The following ANTXR1 variants were observed in gnomAD, a reference collection of about 807,000 sequenced individuals.
ANTXR1 encodes the protein anthrax toxin receptor 1.
In ANTXR1, 19 loss-of-function variants were observed where a neutral mutation model predicts 78.1. The observed-to-expected ratio is 0.24, with a 90% CI of 0.17 to 0.36. The LOEUF (loss-of-function observed/expected upper bound fraction) is 0.36, where lower values mean the gene tolerates loss of function less well. Ranked by LOEUF, ANTXR1 falls within the 10% of genes least tolerant of loss-of-function variation. ANTXR1 has a pLI of 1.00. For missense variants in ANTXR1, 518 were observed against 718.6 expected (o/e 0.72, Z 3.19); for synonymous variants, 273 against 260.5 (o/e 1.05, Z -0.46).
intron 8 of ANTXR1, among the ~76,000 whole-genome samples, chr2:69,083,990 A>G (rs1295640701): frequency 6.6e-6 from 1 of 152,234 alleles, no homozygotes; most frequent in Non-Finnish European, 1.5e-5. Context: ...AGCTTATTAA[A>G]AAGTCCAAAT....
At chr2:69,164,000 G>C (rs1450460675) in intron 13 of ANTXR1, among the ~76,000 whole-genome samples, 1 of 152,176 alleles carries the variant, frequency 6.6e-6, no homozygotes, top group Admixed American at 6.5e-5. Context: ...TTAATGCCCT[G>C]TTTAACTACC....
chr2:69,109,816 T>C (rs1171148920), intron 10 of ANTXR1, among the ~76,000 whole-genome samples: 1 of 152,142 alleles, frequency 6.6e-6, no homozygotes, highest in East Asian at 1.9e-4. Context: ...GAGCATACCA[T>C]GAAAGAAAAA....
intron 9 of ANTXR1, among the ~76,000 whole-genome samples, chr2:69,100,210 T>C (rs550311403): frequency 1.1e-4 from 17 of 152,348 alleles, no homozygotes; most frequent in African/African-American, 4.1e-4. Flanking sequence ...TTTCACTTAC[T>C]GGCAGATTCA....
chr2:69,048,296 C>G (rs6546475), intron 3 of ANTXR1, among the ~76,000 whole-genome samples: 42,525 of 151,956 alleles, frequency 0.28, 9,882 homozygotes, highest in East Asian at 0.68. Flanking sequence ...TACTAGTACA[C>G]TGAATGTCAT....
intron 12 of ANTXR1, among the ~76,000 whole-genome samples, chr2:69,147,130 T>C (rs1407650676): frequency 2.0e-5 from 3 of 152,142 alleles, no homozygotes; most frequent in African/African-American, 7.2e-5. Context: ...TCTATGGGGG[T>C]CAGGCTATGC....
At chr2:69,062,647 C>T (rs530345009) in intron 3 of ANTXR1, among the ~76,000 whole-genome samples, 4 of 152,266 alleles carry the variant, frequency 2.6e-5, no homozygotes, top group South Asian at 4.1e-4. Context: ...GAAGTCTCCA[C>T]TGCTTTTTTT....
At chr2:69,058,333 T>C (rs1670128686) in intron 3 of ANTXR1, among the ~76,000 whole-genome samples, 1 of 152,296 alleles carries the variant, frequency 6.6e-6, no homozygotes, top group East Asian at 1.9e-4. Context: ...AGCTCTCTTA[T>C]AAGGAGTGAA....
intron 10 of ANTXR1, among the ~76,000 whole-genome samples, chr2:69,110,973 C>A (rs1432380185): frequency 1.3e-5 from 2 of 152,182 alleles, no homozygotes; most frequent in East Asian, 3.9e-4. Flanking sequence ...ACAGCCATCA[C>A]CTCTGAATGA....
At chr2:69,085,587 T>C (rs950030277) in intron 8 of ANTXR1, among the ~76,000 whole-genome samples, 1 of 152,178 alleles carries the variant, frequency 6.6e-6, no homozygotes, top group African/African-American at 2.4e-5. Flanking sequence ...CATTTATTTA[T>C]CCAATATTTA....
intron 17 of ANTXR1, among the ~76,000 whole-genome samples, chr2:69,243,880 C>A (rs144716319): frequency 1.3e-5 from 2 of 152,268 alleles, no homozygotes; most frequent in East Asian, 3.9e-4. Flanking sequence ...CTGTGGGGAG[C>A]AATTCTGTAG....
intron 13 of ANTXR1, among the ~76,000 whole-genome samples, chr2:69,155,659 T>TA (rs1673499585): frequency 6.6e-6 from 1 of 152,156 alleles, no homozygotes; most frequent in African/African-American, 2.4e-5. Flanking sequence ...CTTGAATGTG[T>TA]AGGGGGGAAA....
intron 1 of ANTXR1, among the ~76,000 whole-genome samples, chr2:69,027,621 A>AGTGTGTGTGT (rs10631795): frequency 0.012 from 1,754 of 146,908 alleles, 43 homozygotes; most frequent in African/African-American, 0.041. Flanking sequence ...AGATGATGCA[A>AGTGTGTGTGT]GTGTGTGTGT....
intron 17 of ANTXR1, among the ~76,000 whole-genome samples, chr2:69,226,042 C>G (rs997526596): frequency 1.3e-5 from 2 of 152,194 alleles, no homozygotes; most frequent in African/African-American, 2.4e-5. Flanking sequence ...TGTGTCCCCA[C>G]ACTGCCTCTC....
chr2:69,169,577 C>T lies in ANTXR1; in HGVS notation c.1048-671C>T, dbSNP rs567073680. On this transcript the variant is annotated intron_variant, in intron 13 of 17. Coordinates refer to ENST00000303714, the MANE Select transcript of ANTXR1 (RefSeq NM_032208.3). ...TTAGACTGTCTCCCAATTACTTGCC[C>T]ATCCAGAGTTTCCACATGTCTCTCT... 2.2e-4 allele frequency among the ~76,000 whole-genome samples: 34 copies of T among 152,360 alleles called. No homozygotes were observed. The East Asian group carries it at 5.4e-3, about 24-fold the overall frequency.
chr2:69,164,687 C>A (rs762382388), intron 13 of ANTXR1, among the ~76,000 whole-genome samples: 20 of 152,202 alleles, frequency 1.3e-4, no homozygotes, highest in Admixed American at 5.2e-4. Context: ...ATCTAGAAAT[C>A]CAGGCCGTGC....
chr2:69,017,898 C>G (rs1187850088), intron 1 of ANTXR1, among the ~76,000 whole-genome samples: 1 of 152,142 alleles, frequency 6.6e-6, no homozygotes, highest in Non-Finnish European at 1.5e-5. Context: ...CCCTCTCTCA[C>G]AGCACCCCCC....
In ANTXR1 at chr2:69,150,326, G is replaced by C. The variant is rs189149365; in HGVS notation, c.952-1843G>C. On this transcript the variant is annotated intron_variant, in intron 12 of 17. Transcript: ENST00000303714. ...AGTGCTGTGAACAGTCTCCCCTGAA[G>C]ACACTTGCACTAAACATCACAGGTG... Among the ~76,000 whole-genome samples the C allele has an allele frequency of 2.4e-3, 364 of 152,288 alleles. 6 individuals are homozygous for C. Among genetic ancestry groups the C allele is most frequent in the Non-Finnish European group, 6.3e-4 (43 of 68,020 alleles).
chr2:69,082,499 A>G (rs1047601219), intron 8 of ANTXR1, among the ~76,000 whole-genome samples: 6 of 152,078 alleles, frequency 3.9e-5, no homozygotes, highest in African/African-American at 1.2e-4. Context: ...ACCGACCACA[A>G]CTGGTGAATT....
intron 8 of ANTXR1, among the ~76,000 whole-genome samples, chr2:69,080,363 T>C (rs531443756): frequency 2.0e-5 from 3 of 152,188 alleles, no homozygotes; most frequent in South Asian, 2.1e-4. Flanking sequence ...CTTGTTCCCA[T>C]GAATGTTGTT....
Sources: allele counts gnomAD v4.1 joint callset (sites outside exome capture counted in the v4.1 genomes callset), GRCh38; gene constraint gnomAD v4.1.1; transcripts MANE v1.5; gene names NCBI Gene and HGNC (gene_info 2026-07-23, HGNC 2026-07-21).